DYSF: variants seen among roughly 807,000 people sequenced by gnomAD.
DYSF encodes the protein dystrophy-associated fer-1-like 1.
Under a neutral mutation model 274.9 loss-of-function variants are expected in DYSF, and 212 were observed. The observed-to-expected ratio is 0.77, with a 90% CI of 0.69 to 0.86. DYSF has a LOEUF of 0.86. Among genes scored for constraint, DYSF ranks in the 40% least tolerant of loss-of-function variants. DYSF has a pLI of 0.00. For missense variants in DYSF, 2,666 were observed against 2,783.2 expected (o/e 0.96, Z 0.95); for synonymous variants, 1,091 against 1,078.7 (o/e 1.01, Z -0.22).
chr2:71,529,197 C>T (rs2088355766), intron 14 of DYSF, among the ~76,000 whole-genome samples: 1 of 152,190 alleles, frequency 6.6e-6, no homozygotes, highest in Non-Finnish European at 1.5e-5. Flanking sequence ...GTGGACCTGC[C>T]TTGATTCTTC....
chr2:71,488,978 C>T (rs2152693034), intron 3 of DYSF, among the ~76,000 whole-genome samples: 1 of 152,226 alleles, frequency 6.6e-6, no homozygotes, highest in East Asian at 1.9e-4. Flanking sequence ...TCAGCTGCTC[C>T]TCCTCCCACC....
rs377635383 is a variant in DYSF, at chr2:71,552,605, G to C, written c.1807-406G>C. On this transcript the variant is annotated intron_variant, in intron 19 of 55. Transcript: ENST00000410020. ...GGCTGCTGAGGGAGAGACCCTGAGT[G>C]GCATGGGGCAGGAGCTCTGGTCAGG... is the stretch of plus-strand genomic sequence containing the variant. Among the ~76,000 whole-genome samples the C allele has an allele frequency of 7.2e-5, 11 of 152,304 alleles. 1 individual carries two copies. Among genetic ancestry groups the C allele is most frequent in the Non-Finnish European group, 1.6e-4 (11 of 68,006 alleles).
intron 3 of DYSF, among the ~76,000 whole-genome samples, chr2:71,502,695 C>G (rs964863525): frequency 1.3e-5 from 2 of 152,202 alleles, no homozygotes; most frequent in African/African-American, 2.4e-5. Flanking sequence ...AGCCTGTTTC[C>G]CCTGCCCCAA....
chr2:71,670,976 T>G (rs1036684039), intron 51 of DYSF, among the ~76,000 whole-genome samples: 3 of 152,180 alleles, frequency 2.0e-5, no homozygotes, highest in African/African-American at 7.2e-5. Flanking sequence ...CTCAAGGCTT[T>G]AAGCCTCAAA....
At chr2:71,514,489 G>C (rs2086448480) in intron 7 of DYSF, among the ~76,000 whole-genome samples, 1 of 152,092 alleles carries the variant, frequency 6.6e-6, no homozygotes, top group East Asian at 1.9e-4. Context: ...GCTCATCACA[G>C]AATAAAAGCT....
chr2:71,507,751 C>A lies in DYSF; in HGVS notation c.346-4056C>A, dbSNP rs78389382. On this transcript the variant is annotated intron_variant, in intron 4 of 55. Coordinates refer to ENST00000410020, the MANE Select transcript of DYSF (RefSeq NM_001130987.2). ...CAGGCCAAGTCAAACAAACACCCCC[C>A]ACAGGCCTGGCCTCTGGGGCCACTG... Among the ~76,000 whole-genome samples, 7 of 152,230 alleles carry A rather than the reference C, an allele frequency of 4.6e-5. No homozygotes were observed. The South Asian group carries it at 1.2e-3, about 27-fold the overall frequency.
In DYSF at chr2:71,480,834, G is replaced by T. The variant is rs201195341; in HGVS notation, c.92-49G>T. The stretch of plus-strand genomic sequence containing the variant: ...GAAGCTGAGCCTAACTCAGCGGAAG[G>T]TGAAAGGCGGGATGTGTCTCTCCAT... On this transcript the variant is annotated intron_variant, in intron 1 of 55. Coordinates refer to ENST00000410020, the MANE Select transcript of DYSF (RefSeq NM_001130987.2). 5,574 of 1,562,834 alleles carry T rather than the reference G, an allele frequency of 3.6e-3. 17 individuals are homozygous for T. Among genetic ancestry groups the T allele is most frequent in the Non-Finnish European group, 4.6e-3 (5,204 of 1,133,436 alleles).
At chr2:71,478,676 TC>T (rs1039060829) in intron 1 of DYSF, among the ~76,000 whole-genome samples, 7 of 151,698 alleles carry the variant, frequency 4.6e-5, no homozygotes, top group Non-Finnish European at 7.4e-5. Context: ...GTTTGGGAGC[TC>T]CCCCCTCTCC....
intron 3 of DYSF, among the ~76,000 whole-genome samples, chr2:71,490,649 T>C (rs2083773386): frequency 6.6e-6 from 1 of 152,234 alleles, no homozygotes; most frequent in Non-Finnish European, 1.5e-5. Flanking sequence ...TTCTGGACTT[T>C]TCCTAAGTTA....
Position 71,541,240 on chromosome 2 carries a change from T to C in DYSF, c.1576+2001T>C, listed in dbSNP as rs145441202. Among the ~76,000 whole-genome samples the C allele has an allele frequency of 7.6e-3, 1,151 of 152,344 alleles. 6 individuals are homozygous for C. The highest frequency in any genetic ancestry group is 0.02 in the Middle Eastern group (6 of 294). On this transcript the variant is annotated intron_variant, in intron 17 of 55. Transcript: ENST00000410020. Reference sequence around the variant, plus strand: ...TTGAGGGTTTGAAATAATTCACCCATAAAACCATATGGGCTGGGTGCCCTT... The same window carrying C: ...TTGAGGGTTTGAAATAATTCACCCACAAAACCATATGGGCTGGGTGCCCTT...
At chr2:71,554,784 A>C (rs2091223905) in intron 21 of DYSF, among the ~76,000 whole-genome samples, 1 of 151,836 alleles carries the variant, frequency 6.6e-6, no homozygotes, top group Non-Finnish European at 1.5e-5. Flanking sequence ...CTTCTGGGGA[A>C]CCCCCTGCAG....
At chr2:71,603,984 C>T (rs529552754) in intron 36 of DYSF, among the ~76,000 whole-genome samples, 91 of 152,294 alleles carry the variant, frequency 6.0e-4, no homozygotes, top group Non-Finnish European at 1.2e-3. Context: ...GGCCAGAGCC[C>T]GAAGAGCACC....
rs146367909 is a variant in DYSF, at chr2:71,482,592, G to A, written c.239+622G>A. On this transcript the variant is annotated intron_variant, in intron 3 of 55. Coordinates refer to ENST00000410020, the MANE Select transcript of DYSF (RefSeq NM_001130987.2). ...GGCAAAAGCAGGCTCCCCCTAGGCA[G>A]GCGATGAATCCCTTCTCTTGCCATT... 8.3e-3 allele frequency among the ~76,000 whole-genome samples: 1,264 copies of A among 152,224 alleles called. 16 individuals are homozygous for A. The highest frequency in any genetic ancestry group is 0.029 in the African/African-American group (1,204 of 41,538).
intron 41 of DYSF, among the ~76,000 whole-genome samples, chr2:71,628,109 A>G (rs1309013654): frequency 6.6e-6 from 1 of 152,078 alleles, no homozygotes; most frequent in East Asian, 1.9e-4. Context: ...TTTTTCAATT[A>G]AAATATTCCC....
rs894131346 is a variant in DYSF at position 71,535,382 on chromosome 2, G to A, written c.1493+71G>A. ...GGCGCTGGGTCCCTCAGTTTCATTC[G>A]GCTCAGTGACTGGTAGTAAGAGTGT... On this transcript the variant is annotated intron_variant, in intron 16 of 55. Coordinates refer to ENST00000410020, the MANE Select transcript of DYSF (RefSeq NM_001130987.2). The A allele has an allele frequency of 8.3e-5, 121 of 1,453,376 alleles. No homozygotes were observed. In the Admixed American group the frequency reaches 1.8e-3, roughly 22 times the overall value. The allele number at this position is 1,453,376 out of a possible 1,614,324, so 90.0% of individuals were successfully genotyped here.
At chr2:71,555,864 C>T in intron 21 of DYSF, 101 bp from the exon 22 acceptor site, 1 of 907,664 alleles carries the variant, frequency 1.1e-6, no homozygotes, top group Non-Finnish European at 1.8e-6. Flanking sequence ...ACTGTTCACT[C>T]CTTTTTGGTT....
At chr2:71,655,179 A>T (rs1343178891) in intron 42 of DYSF, among the ~76,000 whole-genome samples, 3 of 152,084 alleles carry the variant, frequency 2.0e-5, no homozygotes, top group Non-Finnish European at 4.4e-5. Flanking sequence ...ATATAAAGAA[A>T]ATATTCAAAA....
chr2:71,681,544 C>A (rs1346005748), intron 54 of DYSF, among the ~76,000 whole-genome samples: 2 of 152,362 alleles, frequency 1.3e-5, no homozygotes, highest in South Asian at 4.1e-4. Flanking sequence ...GGTCTTGACC[C>A]TACCAAGCTG....
chr2:71,456,465 C>A (rs576938604), intron 1 of DYSF, among the ~76,000 whole-genome samples: 1 of 152,318 alleles, frequency 6.6e-6, no homozygotes, highest in South Asian at 2.1e-4. Context: ...AATGATTACA[C>A]AGAAGACTTC....
Sources: gnomAD v4.1 joint callset for allele counts (sites outside exome capture counted in the v4.1 genomes callset) on GRCh38, gnomAD v4.1.1 for gene constraint, MANE v1.5 for transcripts, NCBI Gene and HGNC (gene_info 2026-07-23, HGNC 2026-07-21) for gene names.